The following LINGO2 variants were observed in gnomAD, a reference collection of about 807,000 sequenced individuals.
LINGO2 encodes the protein leucine-rich repeat and immunoglobulin-like domain-containing nogo receptor-interacting protein 2.
Under a neutral mutation model 30.6 loss-of-function variants are expected in LINGO2, and 14 were observed. The ratio of observed to expected loss-of-function variants is 0.46; its 90% CI spans 0.30 to 0.72. LINGO2 has a LOEUF of 0.72. Ranked by LOEUF, LINGO2 falls within the 30% of genes least tolerant of loss-of-function variation. LINGO2 has a pLI of 0.07. For missense variants in LINGO2, 729 were observed against 751.7 expected (o/e 0.97, Z 0.35); for synonymous variants, 317 against 288.5 (o/e 1.10, Z -1.00).
chr9:28,272,772 T>A (rs1480312889), intron 4 of LINGO2, among the ~76,000 whole-genome samples: 1 of 152,088 alleles, frequency 6.6e-6, no homozygotes. Flanking sequence ...CCAGTAATCA[T>A]GAGCAGAGGA....
chr9:28,535,419 A>T (rs1329281919), intron 1 of LINGO2, among the ~76,000 whole-genome samples: 2 of 152,124 alleles, frequency 1.3e-5, no homozygotes, highest in Non-Finnish European at 2.9e-5. Flanking sequence ...CAAACAACAA[A>T]ATGGTATGCA....
intron 4 of LINGO2, among the ~76,000 whole-genome samples, chr9:28,133,867 T>C (rs1211974194): frequency 6.6e-6 from 1 of 152,220 alleles, no homozygotes; most frequent in Non-Finnish European, 1.5e-5. Context: ...CCATCCATCA[T>C]TTACTAATGC....
chr9:28,621,065 T>G (rs1329497406), intron 1 of LINGO2, among the ~76,000 whole-genome samples: 1 of 151,944 alleles, frequency 6.6e-6, no homozygotes, highest in Admixed American at 6.6e-5. Context: ...TTTGAAAGAG[T>G]TCAAACATTA....
At chr9:28,175,957 A>T (rs1336901188) in intron 4 of LINGO2, among the ~76,000 whole-genome samples, 1 of 152,340 alleles carries the variant, frequency 6.6e-6, no homozygotes, top group South Asian at 2.1e-4. Flanking sequence ...TTATACTGAT[A>T]TGACCTCATC....
At chr9:28,671,441 T>C (rs543592118), upstream of LINGO2, among the ~76,000 whole-genome samples, 50 of 146,982 alleles carry the variant, frequency 3.4e-4, no homozygotes, top group African/African-American at 1.2e-3. Context: ...CAAAATTCTA[T>C]GCAGCCATAA....
intron 2 of LINGO2, among the ~76,000 whole-genome samples, chr9:28,430,713 C>A (rs953483283): frequency 2.0e-5 from 3 of 152,084 alleles, no homozygotes; most frequent in Admixed American, 6.6e-5. Context: ...ACAAACTGAC[C>A]TAAAACTGGG....
At chr9:28,982,981 T>C in the LINGO2 span, among the ~76,000 whole-genome samples, 1 of 151,944 alleles carries the variant, frequency 6.6e-6, no homozygotes, top group African/African-American at 2.4e-5. Flanking sequence ...TTGGTTGTTT[T>C]TTTAATGCCA....
chr9:28,576,344 C>T (rs1205442845), intron 1 of LINGO2, among the ~76,000 whole-genome samples: 1 of 152,192 alleles, frequency 6.6e-6, no homozygotes. Context: ...AATGCATTAT[C>T]ACTTTTGCAC....
intron 3 of LINGO2, among the ~76,000 whole-genome samples, chr9:28,302,787 T>C (rs1422587452): frequency 6.6e-6 from 1 of 152,196 alleles, no homozygotes; most frequent in African/African-American, 2.4e-5. Context: ...CAAGTGACCA[T>C]TGAGAATTAG....
chr9:28,255,378 G>C (rs528284442), intron 4 of LINGO2, among the ~76,000 whole-genome samples: 76 of 152,106 alleles, frequency 5.0e-4, no homozygotes, highest in Middle Eastern at 3.4e-3. Flanking sequence ...GAGAAATGCT[G>C]TATCAGCATG....
Position 28,556,455 on chromosome 9 carries a change from C to T in LINGO2, c.-364-80430G>A, listed in dbSNP as rs545729142. 4.6e-5 allele frequency among the ~76,000 whole-genome samples: 7 copies of T among 152,170 alleles called. No homozygotes were observed. In the South Asian group the frequency reaches 1.2e-3, roughly 27 times the overall value. ...AACTTACAAGGGATGTGAAGGACCT[C>T]TTCAAAGAGAACGACAAACCACTGC... On this transcript the variant is annotated intron_variant, in intron 1 of 5. Transcript: ENST00000379992.
chr9:28,661,099 T>G (rs1828565498), intron 1 of LINGO2, among the ~76,000 whole-genome samples: 1 of 152,120 alleles, frequency 6.6e-6, no homozygotes, highest in Non-Finnish European at 1.5e-5. Context: ...TATGTCTTGT[T>G]TCTGGGATGG....
chr9:28,804,169 G>C, the LINGO2 span, among the ~76,000 whole-genome samples: 1 of 152,020 alleles, frequency 6.6e-6, no homozygotes, highest in Non-Finnish European at 1.5e-5. Context: ...CTGATGCTAT[G>C]ACTGAAAATG....
intron 5 of LINGO2, among the ~76,000 whole-genome samples, chr9:28,011,410 G>A (rs773428813): frequency 1.9e-4 from 29 of 152,210 alleles, no homozygotes; most frequent in Non-Finnish European, 2.8e-4. Flanking sequence ...GTACAGGGGT[G>A]CAGGGGAAAG....
chr9:29,004,469 G>A, the LINGO2 span, among the ~76,000 whole-genome samples: 1 of 151,818 alleles, frequency 6.6e-6, no homozygotes, highest in Non-Finnish European at 1.5e-5. Context: ...TACATTTATT[G>A]ACTATTATGT....
chr9:28,545,661 G>C (rs544832009), intron 1 of LINGO2, among the ~76,000 whole-genome samples: 1 of 151,914 alleles, frequency 6.6e-6, no homozygotes, highest in South Asian at 2.1e-4. Context: ...GAAAAAGAGG[G>C]GGGGAACTTT....
At chr9:28,438,878 T>A (rs1824066850) in intron 2 of LINGO2, among the ~76,000 whole-genome samples, 1 of 142,446 alleles carries the variant, frequency 7.0e-6, no homozygotes, top group Admixed American at 7.3e-5. Flanking sequence ...ATACATTATA[T>A]ATAGTGAAAT....
At chr9:28,702,444 A>G in the LINGO2 span, among the ~76,000 whole-genome samples, 3 of 151,816 alleles carry the variant, frequency 2.0e-5, no homozygotes, top group African/African-American at 7.2e-5. Context: ...TTTCAAATCT[A>G]TTACCTGGAA....
intron 1 of LINGO2, among the ~76,000 whole-genome samples, chr9:28,551,738 G>A (rs972974227): frequency 6.6e-6 from 1 of 152,024 alleles, no homozygotes; most frequent in African/African-American, 2.4e-5. Flanking sequence ...GGGAAGGGAT[G>A]ATTTAGACAC....
Sources: allele counts gnomAD v4.1 joint callset (sites outside exome capture counted in the v4.1 genomes callset), GRCh38; gene constraint gnomAD v4.1.1; transcripts MANE v1.5; gene names NCBI Gene and HGNC (gene_info 2026-07-23, HGNC 2026-07-21).